Variants in ZNF423 observed in about 807,000 individuals in gnomAD.
ZNF423 encodes zinc finger protein 423.
ZNF423 carries 12 observed loss-of-function variants against 95.8 expected under a neutral mutation model. The ratio of observed to expected loss-of-function variants is 0.13; its 90% CI spans 0.08 to 0.20. The LOEUF is 0.20. Among genes scored for constraint, ZNF423 ranks in the 10% least tolerant of loss-of-function variants. ZNF423 has a pLI of 1.00. For missense variants in ZNF423, 1,316 were observed against 1,737.1 expected, an observed-to-expected ratio of 0.76 and a Z score of 4.31; for synonymous variants, 749 against 711.9, an observed-to-expected ratio of 1.05 and a Z score of -0.83.
intron 5 of ZNF423, among the ~76,000 whole-genome samples, chr16:49,595,190 A>G (rs565794243): frequency 2.6e-4 from 39 of 152,232 alleles, no homozygotes; most frequent in Admixed American, 1.0e-3. Flanking sequence ...TTCCTCCCCA[A>G]TGAGGACAGT....
intron 3 of ZNF423, among the ~76,000 whole-genome samples, chr16:49,686,866 C>T (rs1272616064): frequency 1.8e-5 from 2 of 110,680 alleles, no homozygotes; most frequent in East Asian, 2.5e-4. Context: ...CAGGCAGAAC[C>T]CCCATCATCA....
chr16:49,684,475 T>C (rs1046959863), intron 3 of ZNF423, among the ~76,000 whole-genome samples: 1 of 152,120 alleles, frequency 6.6e-6, no homozygotes, highest in Admixed American at 6.5e-5. Flanking sequence ...GGGAAATGGG[T>C]CTATGGTGGG....
intron 3 of ZNF423, among the ~76,000 whole-genome samples, chr16:49,678,423 G>A (rs1178328890): frequency 6.6e-6 from 1 of 152,180 alleles, no homozygotes; most frequent in East Asian, 1.9e-4. Flanking sequence ...GGTTTTGGGT[G>A]ATGGCAAAAC....
intron 6 of ZNF423, among the ~76,000 whole-genome samples, chr16:49,525,055 C>A (rs7200708): frequency 0.94 from 143,419 of 152,296 alleles, 67,630 homozygotes; most frequent in East Asian, 1. Context: ...GGAAAACTGC[C>A]GCAGAGGGTT....
chr16:49,774,064 T>C (rs2034080329), intron 2 of ZNF423, among the ~76,000 whole-genome samples: 1 of 152,232 alleles, frequency 6.6e-6, no homozygotes, highest in Non-Finnish European at 1.5e-5. Flanking sequence ...TGTGCAGCTA[T>C]GGCCCTATCT....
intron 7 of ZNF423, chr16:49,517,843 G>A (rs1242439606): frequency 2.6e-5 from 11 of 416,744 alleles, no homozygotes; most frequent in South Asian, 8.9e-5. Context: ...TACTGTTCCC[G>A]CTTTGCTCCA....
intron 3 of ZNF423, chr16:49,640,972 G>A (rs1484035511): frequency 6.6e-6 from 1 of 152,230 alleles, no homozygotes; most frequent in Non-Finnish European, 1.5e-5. Flanking sequence ...GGACCCCAGG[G>A]AGGAGATGGC....
intron 2 of ZNF423, among the ~76,000 whole-genome samples, chr16:49,769,008 T>C (rs1034446559): frequency 2.0e-5 from 3 of 152,174 alleles, no homozygotes; most frequent in African/African-American, 7.2e-5. Flanking sequence ...GCAGGCTTCC[T>C]CAGCTCCTCT....
chr16:49,593,806 G>A (rs941258243), intron 5 of ZNF423, among the ~76,000 whole-genome samples: 6 of 152,164 alleles, frequency 3.9e-5, no homozygotes, highest in African/African-American at 1.4e-4. Flanking sequence ...AGCTTATTTA[G>A]GAAAGCACAA....
chr16:49,509,485 C>T (rs1030388403), intron 7 of ZNF423, among the ~76,000 whole-genome samples: 4 of 152,208 alleles, frequency 2.6e-5, no homozygotes, highest in Non-Finnish European at 4.4e-5. Context: ...CACCTCGCCT[C>T]TCCTATGAGT....
At chr16:49,523,511 G>A in intron 7 of ZNF423, 113 bp downstream of exon 7, 2 of 846,904 alleles carry the variant, frequency 2.4e-6, no homozygotes, top group Admixed American at 2.1e-5. Flanking sequence ...GCCCCTGATT[G>A]CAGACCTGCC....
chr16:49,749,552 G>A (rs750988095), intron 2 of ZNF423, among the ~76,000 whole-genome samples: 3 of 152,242 alleles, frequency 2.0e-5, no homozygotes, highest in Non-Finnish European at 2.9e-5. Flanking sequence ...CCACTTTGAT[G>A]AGCGCGATCC....
intron 2 of ZNF423, among the ~76,000 whole-genome samples, chr16:49,767,946 C>T (rs2033958784): frequency 6.6e-6 from 1 of 152,216 alleles, no homozygotes; most frequent in South Asian, 2.1e-4. Flanking sequence ...CAACAGAAAC[C>T]GTGTTGCCAA....
chr16:49,545,372 G>C (rs148600816), intron 5 of ZNF423, among the ~76,000 whole-genome samples: 8 of 152,330 alleles, frequency 5.3e-5, no homozygotes, highest in Non-Finnish European at 7.3e-5. Context: ...GTCATGAAGA[G>C]GAGGCGCCGG....
intron 5 of ZNF423, among the ~76,000 whole-genome samples, chr16:49,549,929 G>A (rs1250223257): frequency 6.6e-6 from 1 of 151,738 alleles, no homozygotes; most frequent in Non-Finnish European, 1.5e-5. Context: ...CAGGAGTGCA[G>A]TGGTGCAATC....
rs545977248 is a variant in ZNF423, at chr16:49,855,511, T to TCCGCCGCCGCCGCCGCCGCCG, written c.40+203_40+223dup. Among the ~76,000 whole-genome samples the TCCGCCGCCGCCGCCGCCGCCG allele has an allele frequency of 4.9e-5, 7 of 143,842 alleles. No individual in the cohort carries two copies. The highest frequency in any genetic ancestry group is 1.8e-4 in the African/African-American group (7 of 37,942). 94.4% of individuals were successfully genotyped at this position (143,842 alleles called of 152,430 possible). On this transcript the variant is annotated intron_variant, in intron 1 of 7. Coordinates refer to ENST00000563137, the MANE Select transcript of ZNF423 (RefSeq NM_001379286.1). This position sits in a 1 kb window ranked among gnomAD's most constrained non-coding sequence, Gnocchi z 4.7. ...GGGAGGGTGTCCGCGGCGTACCCCC[T>TCCGCCGCCGCCGCCGCCGCCG]CCGCCGCCGCCGCCGCCGCCGCCGC...
At chr16:49,807,107 C>T (rs1796359839) in intron 1 of ZNF423, among the ~76,000 whole-genome samples, 1 of 151,812 alleles carries the variant, frequency 6.6e-6, no homozygotes, top group Admixed American at 6.6e-5. Context: ...ACTAACTCCA[C>T]ACACATTATC....
rs117237470 is a variant in ZNF423 at position 49,517,319 on chromosome 16, G to A, written c.3849+6305C>T. ...ACCAAAACCCCTGTTCTGAGTTGGC[G>A]CCCACTGCCAAAAGTCTTGGAGCCA... is the stretch of plus-strand genomic sequence containing the variant. On this transcript the variant is annotated intron_variant, in intron 7 of 7. Coordinates refer to ENST00000563137, the MANE Select transcript of ZNF423 (RefSeq NM_001379286.1). Among the ~76,000 whole-genome samples, 231 of 152,282 alleles carry A rather than the reference G, an allele frequency of 1.5e-3. 1 individual carries two copies. The highest frequency in any genetic ancestry group is 4.7e-3 in the African/African-American group (195 of 41,542).
intron 3 of ZNF423, among the ~76,000 whole-genome samples, chr16:49,697,060 G>C (rs2032002825): frequency 1.3e-5 from 2 of 152,210 alleles, no homozygotes; most frequent in African/African-American, 4.8e-5. Context: ...AGGCTGGCTG[G>C]TGACGGGCTG....
Sources: allele counts gnomAD v4.1 joint callset (sites outside exome capture counted in the v4.1 genomes callset), GRCh38; gene constraint gnomAD v4.1.1; non-coding constraint Gnocchi (gnomAD v3.1); transcripts MANE v1.5; gene names NCBI Gene and HGNC (gene_info 2026-07-23, HGNC 2026-07-21).